Variants in PAN3 observed in about 807,000 individuals in gnomAD.
PAN3 encodes the protein PAN2-PAN3 deadenylation complex subunit PAN3.
Under a neutral mutation model 96.2 loss-of-function variants are expected in PAN3, and 19 were observed. The ratio of observed to expected loss-of-function variants is 0.20; its 90% CI spans 0.14 to 0.29. The LOEUF (loss-of-function observed/expected upper bound fraction) is 0.29, where lower values mean the gene tolerates loss of function less well. Among genes scored for constraint, PAN3 ranks in the 10% least tolerant of loss-of-function variants. PAN3 has a pLI of 1.00. For missense variants in PAN3, 882 were observed against 1,108.1 expected (o/e 0.80, Z 2.90); for synonymous variants, 433 against 406.6 (o/e 1.06, Z -0.78).
At chr13:28,268,153 A>T (rs570720686) in intron 12 of PAN3, among the ~76,000 whole-genome samples, 1 of 152,232 alleles carries the variant, frequency 6.6e-6, no homozygotes, top group South Asian at 2.1e-4. Flanking sequence ...AAGTACAACC[A>T]TTGTGAATCT....
At chr13:28,199,628 G>A (rs542876060) in intron 5 of PAN3, among the ~76,000 whole-genome samples, 6 of 150,426 alleles carry the variant, frequency 4.0e-5, no homozygotes, top group African/African-American at 1.2e-4. Flanking sequence ...CCAAACTGGG[G>A]GTCTGGAATA....
intron 4 of PAN3, among the ~76,000 whole-genome samples, chr13:28,182,466 G>A (rs371913231): frequency 1.1e-4 from 17 of 152,094 alleles, no homozygotes; most frequent in African/African-American, 3.1e-4. Context: ...GTCAATATGC[G>A]GTTTTATGTG....
intron 6 of PAN3, among the ~76,000 whole-genome samples, chr13:28,242,732 C>T (rs1306690280): frequency 6.6e-6 from 1 of 152,166 alleles, no homozygotes; most frequent in East Asian, 1.9e-4. Flanking sequence ...GAAGCTGTAT[C>T]AATCTTTAGA....
intron 5 of PAN3, among the ~76,000 whole-genome samples, chr13:28,213,702 CAAAAA>C (rs779035643): frequency 1.1e-4 from 9 of 78,336 alleles, no homozygotes; most frequent in African/African-American, 3.2e-4. Flanking sequence ...GAAAAAACAG[CAAAAA>C]AAAAAAAAAA....
At chr13:28,138,340 C>T, upstream of PAN3, 1 of 174,946 alleles carries the variant, frequency 5.7e-6, no homozygotes, top group Non-Finnish European at 1.2e-5. Context: ...GCTCCCTCTT[C>T]CCCTGCCCGC....
chr13:28,215,460 C>A, intron 5 of PAN3: 2 of 692,782 alleles, frequency 2.9e-6, no homozygotes, highest in South Asian at 1.6e-5. Flanking sequence ...ATGTGTCTGT[C>A]AAAGATGTTC....
intron 6 of PAN3, among the ~76,000 whole-genome samples, chr13:28,242,182 A>G (rs1038670427): frequency 5.9e-5 from 9 of 152,130 alleles, no homozygotes; most frequent in African/African-American, 1.9e-4. Context: ...TTTAAATAGT[A>G]TTGACTGACA....
In PAN3 at chr13:28,233,112, A is replaced by G. The variant is rs75885465; in HGVS notation, c.1000+12734A>G. Among the ~76,000 whole-genome samples, 1,038 of 152,238 alleles carry G rather than the reference A, an allele frequency of 6.8e-3. 10 individuals carry two copies. Among genetic ancestry groups the G allele is most frequent in the African/African-American group, 0.024 (1,003 of 41,554 alleles). On this transcript the variant is annotated intron_variant, in intron 6 of 18. Coordinates refer to ENST00000380958, the MANE Select transcript of PAN3 (RefSeq NM_175854.8). ...AATTCTGAAAGGCAAATGTATTGGT[A>G]TAGTTAGGAAAATCATGGGTAGTAA...
chr13:28,271,818 A>G (rs1418372762), intron 13 of PAN3, among the ~76,000 whole-genome samples, 163 bp from the exon 14 acceptor site: 2 of 152,152 alleles, frequency 1.3e-5, no homozygotes, highest in African/African-American at 2.4e-5. Context: ...TAATTTTACC[A>G]TTTCTAAAAT....
chr13:28,223,247 C>T (rs1016173385), intron 6 of PAN3, among the ~76,000 whole-genome samples: 7 of 152,118 alleles, frequency 4.6e-5, no homozygotes, highest in African/African-American at 7.2e-5. Context: ...TTTTAAAAAG[C>T]GTTAAAATTT....
intron 5 of PAN3, among the ~76,000 whole-genome samples, chr13:28,206,454 G>A (rs1879377588): frequency 6.6e-6 from 1 of 150,732 alleles, no homozygotes; most frequent in Non-Finnish European, 1.5e-5. Context: ...CTCCCAAGTA[G>A]CTGGGACTAC....
At chr13:28,151,045 G>A (rs753853695) in intron 1 of PAN3, among the ~76,000 whole-genome samples, 1 of 152,166 alleles carries the variant, frequency 6.6e-6, no homozygotes, top group Non-Finnish European at 1.5e-5. Context: ...AAACCTCACT[G>A]GGGTTGAAAT....
intron 5 of PAN3, 73 bp downstream of exon 5, chr13:28,197,419 TG>T: frequency 1.4e-6 from 2 of 1,431,050 alleles, no homozygotes; most frequent in Non-Finnish European, 1.9e-6. Context: ...TTTGGGGTGG[TG>T]GTTGTGAAAG....
intron 5 of PAN3, among the ~76,000 whole-genome samples, chr13:28,217,593 AAAAAC>A (rs1312664113): frequency 5.9e-5 from 9 of 151,490 alleles, no homozygotes; most frequent in Non-Finnish European, 1.3e-4. Flanking sequence ...AAAACAAAAA[AAAAAC>A]AAAAAAAAAA....
intron 1 of PAN3, among the ~76,000 whole-genome samples, chr13:28,154,040 A>G (rs1321954938): frequency 6.6e-6 from 1 of 152,236 alleles, no homozygotes; most frequent in Non-Finnish European, 1.5e-5. Flanking sequence ...ATCTCAAACT[A>G]AAACTGCTTT....
intron 1 of PAN3, among the ~76,000 whole-genome samples, chr13:28,157,194 C>A (rs947862522): frequency 6.6e-6 from 1 of 151,800 alleles, no homozygotes; most frequent in Non-Finnish European, 1.5e-5. Flanking sequence ...TGTTAAAAAC[C>A]CTCAATAAAC....
intron 5 of PAN3, among the ~76,000 whole-genome samples, chr13:28,197,767 C>T (rs920331715): frequency 3.3e-5 from 5 of 151,840 alleles, no homozygotes; most frequent in South Asian, 2.1e-4. Flanking sequence ...GATGGGGTCT[C>T]GCCATGTTGG....
intron 1 of PAN3, among the ~76,000 whole-genome samples, chr13:28,173,562 T>A (rs530042875): frequency 1.3e-5 from 2 of 152,338 alleles, no homozygotes; most frequent in South Asian, 4.1e-4. Flanking sequence ...CACATTTTTG[T>A]AGTTTGCTTC....
chr13:28,211,340 C>A (rs961801499), intron 5 of PAN3, among the ~76,000 whole-genome samples: 27 of 152,282 alleles, frequency 1.8e-4, no homozygotes, highest in African/African-American at 6.0e-4. Flanking sequence ...TGCCTAGTCA[C>A]TCCCAGTGGC....
Sources: gnomAD v4.1 joint callset for allele counts (sites outside exome capture counted in the v4.1 genomes callset) on GRCh38, gnomAD v4.1.1 for gene constraint, MANE v1.5 for transcripts, NCBI Gene and HGNC (gene_info 2026-07-23, HGNC 2026-07-21) for gene names.